The following KCNMA1 variants were observed in gnomAD, a reference collection of about 807,000 sequenced individuals.
KCNMA1 encodes Calcium-activated potassium channel subunit alpha-1.
In KCNMA1, 29 loss-of-function variants were observed where a neutral mutation model predicts 140.0. That is an observed-to-expected ratio of 0.21 (90% CI 0.15 to 0.28). The LOEUF (loss-of-function observed/expected upper bound fraction) is 0.28. KCNMA1 is among the 10% of genes least tolerant of loss of function. The pLI, the probability that KCNMA1 is intolerant of heterozygous loss-of-function variation, is 1.00. For missense variants in KCNMA1, 880 were observed against 1,602.2 expected (o/e 0.55, Z 7.70); for synonymous variants, 612 against 611.9 (o/e 1.00, Z 0.00).
chr10:77,192,228 C>T (rs898500528), intron 3 of KCNMA1, among the ~76,000 whole-genome samples: 1 of 152,120 alleles, frequency 6.6e-6, no homozygotes, highest in Non-Finnish European at 1.5e-5. Flanking sequence ...TATGTCAATT[C>T]TTTATAAATT....
intron 20 of KCNMA1, among the ~76,000 whole-genome samples, chr10:76,958,000 G>A (rs1467519453): frequency 6.6e-6 from 1 of 152,200 alleles, no homozygotes; most frequent in Non-Finnish European, 1.5e-5. Context: ...TGGAACAGGT[G>A]GAGAGTGTAC....
intron 2 of KCNMA1, among the ~76,000 whole-genome samples, chr10:77,340,570 G>A (rs1304949837): frequency 6.6e-6 from 1 of 152,096 alleles, no homozygotes; most frequent in Non-Finnish European, 1.5e-5. Context: ...TAGGGACATG[G>A]ATGAAGCTGG....
Position 76,886,073 on chromosome 10 carries a change from T to C in KCNMA1, c.*1193A>G, listed in dbSNP as rs2036776848. On this transcript the variant is annotated 3_prime_UTR_variant, in exon 28 of 28. Transcript: ENST00000286628. Reference sequence around the variant, plus strand: ...TGTGCCAACAGTTGAAGGTGGTGGCTGGCTTTTGTCTTTGTTGAGTCAACT... The same window carrying C: ...TGTGCCAACAGTTGAAGGTGGTGGCCGGCTTTTGTCTTTGTTGAGTCAACT... 2 of 985,338 alleles carry C rather than the reference T, an allele frequency of 2.0e-6. No homozygotes were observed. Among genetic ancestry groups the C allele is most frequent in the Admixed American group, 6.1e-5 (1 of 16,272 alleles). 61.0% of individuals were successfully genotyped at this position (985,338 alleles called of 1,614,324 possible).
rs1401636987 is a variant in KCNMA1 at position 77,298,494 on chromosome 10, G to A, written c.541-47238C>T. ...TGACCTCAGGTGATCCACCCAACTT[G>A]GCCTCCCAAAGTGCTGGGATTACAG... On this transcript the variant is annotated intron_variant, in intron 2 of 27. Coordinates refer to ENST00000286628, the MANE Select transcript of KCNMA1 (RefSeq NM_001161352.2). 2.6e-5 allele frequency among the ~76,000 whole-genome samples: 4 copies of A among 152,072 alleles called. No homozygotes were observed. The East Asian group carries it at 7.7e-4, about 29-fold the overall frequency.
chr10:77,562,730 A>C (rs1215417183), intron 1 of KCNMA1, among the ~76,000 whole-genome samples: 1 of 152,248 alleles, frequency 6.6e-6, no homozygotes, highest in Non-Finnish European at 1.5e-5. Flanking sequence ...CCACCTTTGC[A>C]GAAACTGCAG....
At position 76,988,360 on chromosome 10, in the gene KCNMA1, C is replaced by A. The variant is rs560349591; in HGVS notation, c.2266+13047G>T. On this transcript the variant is annotated intron_variant, in intron 19 of 27. Coordinates refer to ENST00000286628, the MANE Select transcript of KCNMA1 (RefSeq NM_001161352.2). ...AAGGTGATGATGTGAAGTCTCAACA[C>A]CAACTGGACCTCAAAGATATGGCCA... Among the ~76,000 whole-genome samples the A allele has an allele frequency of 4.0e-4, 61 of 152,204 alleles. 1 individual carries two copies. The highest frequency in any genetic ancestry group is 1.4e-3 in the African/African-American group (60 of 41,532).
chr10:77,280,675 C>T (rs1184923858), intron 2 of KCNMA1, among the ~76,000 whole-genome samples: 1 of 149,866 alleles, frequency 6.7e-6, no homozygotes, highest in Non-Finnish European at 1.5e-5. Flanking sequence ...TACAGACAGG[C>T]ATCACCATGC....
intron 9 of KCNMA1, among the ~76,000 whole-genome samples, chr10:77,104,568 A>G (rs2097163553): frequency 6.6e-6 from 1 of 152,096 alleles, no homozygotes; most frequent in African/African-American, 2.4e-5. Flanking sequence ...CTCTGTCCCA[A>G]ACACCTGGGC....
At chr10:76,954,690 C>T (rs1455574984) in intron 20 of KCNMA1, among the ~76,000 whole-genome samples, 2 of 152,196 alleles carry the variant, frequency 1.3e-5, no homozygotes, top group South Asian at 2.1e-4. Context: ...CACCTCCCAA[C>T]TGCTGCATAT....
At chr10:77,093,397 C>T (rs537978445) in intron 9 of KCNMA1, among the ~76,000 whole-genome samples, 1 of 152,272 alleles carries the variant, frequency 6.6e-6, no homozygotes, top group South Asian at 2.1e-4. Flanking sequence ...AGATTTATGG[C>T]CTCCCCCTTT....
intron 2 of KCNMA1, among the ~76,000 whole-genome samples, chr10:77,258,517 C>T (rs561777224): frequency 2.7e-4 from 41 of 152,222 alleles, no homozygotes; most frequent in Admixed American, 2.0e-3. Flanking sequence ...CTTTGAAAAG[C>T]CCATGTTTTT....
chr10:77,118,536 C>T (rs1377263846), intron 6 of KCNMA1, among the ~76,000 whole-genome samples: 1 of 152,206 alleles, frequency 6.6e-6, no homozygotes, highest in Non-Finnish European at 1.5e-5. Context: ...GCAGAATTAC[C>T]CAAAGTTTCC....
intron 22 of KCNMA1, chr10:76,948,885 G>A: frequency 3.6e-6 from 2 of 548,710 alleles, no homozygotes; most frequent in East Asian, 3.2e-5. Flanking sequence ...TTTAGACGCT[G>A]ATATGGTTAA....
intron 5 of KCNMA1, among the ~76,000 whole-genome samples, chr10:77,177,644 G>T (rs2098764349): frequency 6.6e-6 from 1 of 151,902 alleles, no homozygotes; most frequent in African/African-American, 2.4e-5. Context: ...AGCTTCTGTG[G>T]GTACACACCA....
At chr10:76,925,374 T>A (rs2057363110) in intron 23 of KCNMA1, among the ~76,000 whole-genome samples, 1 of 152,160 alleles carries the variant, frequency 6.6e-6, no homozygotes. Flanking sequence ...TGGGATCTCC[T>A]CTTTCATGAT....
In KCNMA1 at chr10:76,886,064, G is replaced by T. The variant is rs200435801; in HGVS notation, c.*1202C>A. ...CCGCACAGCTGTGCCAACAGTTGAAGGTGGTGGCTGGCTTTTGTCTTTGTT... is the reference window on the plus strand; with the variant it reads ...CCGCACAGCTGTGCCAACAGTTGAATGTGGTGGCTGGCTTTTGTCTTTGTT... On this transcript the variant is annotated 3_prime_UTR_variant, in exon 28 of 28. Coordinates refer to ENST00000286628, the MANE Select transcript of KCNMA1 (RefSeq NM_001161352.2). The T allele has an allele frequency of 5.3e-5, 52 of 985,278 alleles. No individual in the cohort carries two copies. In the Middle Eastern group the frequency reaches 1.5e-3, roughly 29 times the overall value. The allele number at this position is 985,278 out of a possible 1,614,324, so 61.0% of individuals were successfully genotyped here. A position where few individuals can be genotyped will look rare whatever the true frequency, so the allele number is the denominator to read the frequency against.
chr10:76,934,520 C>A (rs2060037512), intron 23 of KCNMA1, among the ~76,000 whole-genome samples: 1 of 152,172 alleles, frequency 6.6e-6, no homozygotes, highest in South Asian at 2.1e-4. Flanking sequence ...ATGTTCCAAG[C>A]CCTGTATCCT....
At chr10:77,577,072 C>A (rs372864681) in intron 1 of KCNMA1, among the ~76,000 whole-genome samples, 1 of 151,898 alleles carries the variant, frequency 6.6e-6, no homozygotes, top group Non-Finnish European at 1.5e-5. Context: ...CAGTAACTGA[C>A]CCCATGTTGA....
chr10:77,241,637 G>A (rs1421146444), intron 3 of KCNMA1, among the ~76,000 whole-genome samples: 1 of 151,860 alleles, frequency 6.6e-6, no homozygotes, highest in Non-Finnish European at 1.5e-5. Flanking sequence ...AACAGAGTGA[G>A]ACCCTGTCTC....
Sources: gnomAD v4.1 joint callset for allele counts (sites outside exome capture counted in the v4.1 genomes callset) on GRCh38, gnomAD v4.1.1 for gene constraint, MANE v1.5 for transcripts, NCBI Gene and HGNC (gene_info 2026-07-23, HGNC 2026-07-21) for gene names.